Variants in NAV2 observed in about 807,000 individuals in gnomAD.
NAV2 encodes neuron navigator 2.
A neutral mutation model predicts 223.2 loss-of-function variants in NAV2; 54 were observed. That is an observed-to-expected ratio of 0.24 (90% CI 0.19 to 0.30). The LOEUF is 0.30. NAV2 is among the 10% of genes least tolerant of loss of function. The pLI is 1.00. For synonymous variants in NAV2, 1,279 were observed against 1,239.3 expected (o/e 1.03, Z -0.67); for missense variants, 2,806 against 3,147.5 (o/e 0.89, Z 2.60).
chr11:19,603,052 G>A (rs982206487), intron 1 of NAV2, among the ~76,000 whole-genome samples: 2 of 152,208 alleles, frequency 1.3e-5, no homozygotes, highest in Admixed American at 1.3e-4. Flanking sequence ...TCCGTGGGCA[G>A]AGGGTTCACT....
rs74802608 is a variant in NAV2, at chr11:19,607,506, G to A, written c.76-224978G>A. On this transcript the variant is annotated intron_variant, in intron 1 of 37. Coordinates refer to the NAV2 transcript ENST00000360655. ...GATGGGCCAGTTCTACTTAAATGTT[G>A]TCTGACTGCTACTTAACCCAACACT... Among the ~76,000 whole-genome samples the A allele has an allele frequency of 5.5e-3, 844 of 152,312 alleles. 3 individuals are homozygous for A. The highest frequency in any genetic ancestry group is 0.019 in the African/African-American group (802 of 41,566).
intron 11 of NAV2, among the ~76,000 whole-genome samples, chr11:20,011,565 A>G (rs1307464703): frequency 6.6e-6 from 1 of 152,244 alleles, no homozygotes; most frequent in Non-Finnish European, 1.5e-5. Context: ...AGGTGATGAA[A>G]CAGACACACA....
At chr11:19,584,628 C>T (rs756518750) in intron 1 of NAV2, among the ~76,000 whole-genome samples, 9 of 152,150 alleles carry the variant, frequency 5.9e-5, no homozygotes, top group Admixed American at 2.0e-4. Context: ...GCCTTCATTT[C>T]GTTATGTACC....
chr11:19,397,361 C>T (rs1403176836), intron 1 of NAV2, among the ~76,000 whole-genome samples: 3 of 149,708 alleles, frequency 2.0e-5, no homozygotes, highest in Admixed American at 6.7e-5. Flanking sequence ...GACCACTTAG[C>T]AGAGCTACTG....
chr11:19,415,310 T>A (rs1051006744), intron 1 of NAV2, among the ~76,000 whole-genome samples: 1 of 152,144 alleles, frequency 6.6e-6, no homozygotes, highest in African/African-American at 2.4e-5. Context: ...GAGAATACTA[T>A]AAACACCTCT....
At chr11:19,658,601 C>T (rs990826180) in intron 1 of NAV2, among the ~76,000 whole-genome samples, 5 of 152,154 alleles carry the variant, frequency 3.3e-5, no homozygotes, top group African/African-American at 9.7e-5. Context: ...GCCAGACTCC[C>T]TAAATCCTCT....
chr11:19,521,104 T>C (rs2043639235), intron 1 of NAV2, among the ~76,000 whole-genome samples: 1 of 152,204 alleles, frequency 6.6e-6, no homozygotes, highest in Admixed American at 6.5e-5. Flanking sequence ...GGCGTGGTGA[T>C]GGGCCTTGGA....
chr11:20,091,156 C>T (rs765811428), intron 27 of NAV2, 138 bp downstream of exon 27: 1 of 759,574 alleles, frequency 1.3e-6, no homozygotes, highest in South Asian at 2.0e-5. Flanking sequence ...TCTTTTCAGT[C>T]CCTCCCACAC....
At chr11:19,345,597 C>A in the NAV2 span, among the ~76,000 whole-genome samples, 1 of 152,202 alleles carries the variant, frequency 6.6e-6, no homozygotes, top group African/African-American at 2.4e-5. The surrounding 1 kb of genome is among the most constrained non-coding windows in gnomAD (Gnocchi z 5.2). Flanking sequence ...GGCGAGCGGA[C>A]GCATAGCCAC....
chr11:19,739,240 A>G (rs2052591323), intron 1 of NAV2, among the ~76,000 whole-genome samples: 1 of 152,190 alleles, frequency 6.6e-6, no homozygotes, highest in Admixed American at 6.5e-5. Flanking sequence ...AATCCTCCCA[A>G]CTTGGTCAGT....
chr11:19,402,401 C>T (rs997383188), intron 1 of NAV2, among the ~76,000 whole-genome samples: 2 of 152,150 alleles, frequency 1.3e-5, no homozygotes, highest in African/African-American at 4.8e-5. Context: ...TTTGAAACAG[C>T]GAACACTTTG....
intron 1 of NAV2, among the ~76,000 whole-genome samples, chr11:19,480,695 T>C (rs555224031): frequency 6.6e-6 from 1 of 152,370 alleles, no homozygotes; most frequent in South Asian, 2.1e-4. Context: ...TTTCACAGCA[T>C]ACATTAAATA....
chr11:19,592,052 C>T (rs760718593), intron 1 of NAV2, among the ~76,000 whole-genome samples: 1 of 152,186 alleles, frequency 6.6e-6, no homozygotes, highest in Non-Finnish European at 1.5e-5. Context: ...ATCTGCATGG[C>T]CAGCATCCAC....
At chr11:20,076,021 T>TC (rs1435092243) in intron 22 of NAV2, among the ~76,000 whole-genome samples, 3 of 152,142 alleles carry the variant, frequency 2.0e-5, no homozygotes, top group Non-Finnish European at 4.4e-5. Flanking sequence ...CCTCCTTTTT[T>TC]CCCCACAAGT....
At chr11:19,437,831 G>A (rs2133663170) in intron 1 of NAV2, among the ~76,000 whole-genome samples, 1 of 152,220 alleles carries the variant, frequency 6.6e-6, no homozygotes, top group East Asian at 1.9e-4. Flanking sequence ...TAACTATTGT[G>A]CAAGCATAAA....
chr11:19,836,103 A>G lies in NAV2; in HGVS notation c.385+3502A>G, dbSNP rs956988728. Reference sequence around the variant, plus strand: ...ATTAGGGATAAGAATTTTATTCACTACCAGCCTGGGTTGGATTGTTTCCAA... The same window carrying G: ...ATTAGGGATAAGAATTTTATTCACTGCCAGCCTGGGTTGGATTGTTTCCAA... On this transcript the variant is annotated intron_variant, in intron 2 of 37. Coordinates refer to ENST00000349880, the MANE Select transcript of NAV2 (RefSeq NM_145117.5). 1.3e-4 allele frequency among the ~76,000 whole-genome samples: 20 copies of G among 152,120 alleles called. 1 individual carries two copies. Among genetic ancestry groups the G allele is most frequent in the African/African-American group, 4.8e-4 (20 of 41,416 alleles).
chr11:19,385,160 A>G (rs1308355044), intron 1 of NAV2: 1 of 152,226 alleles, frequency 6.6e-6, no homozygotes, highest in Non-Finnish European at 1.5e-5. Context: ...GAATGGCTAA[A>G]ATACGAGAGT....
chr11:19,444,148 G>T (rs998503831), intron 1 of NAV2, among the ~76,000 whole-genome samples: 7 of 152,118 alleles, frequency 4.6e-5, no homozygotes, highest in Admixed American at 3.9e-4. Context: ...TCACCATCTT[G>T]GGCAGGATGG....
chr11:19,999,316 A>G (rs1372352350), intron 11 of NAV2, among the ~76,000 whole-genome samples: 1 of 152,236 alleles, frequency 6.6e-6, no homozygotes, highest in Admixed American at 6.5e-5. Flanking sequence ...CATGTTCAGG[A>G]ACTTCTCTTG....
Sources: allele counts gnomAD v4.1 joint callset (sites outside exome capture counted in the v4.1 genomes callset), GRCh38; gene constraint gnomAD v4.1.1; non-coding constraint Gnocchi (gnomAD v3.1); transcripts MANE v1.5; gene names NCBI Gene and HGNC (gene_info 2026-07-23, HGNC 2026-07-21).